FH: variants seen among roughly 807,000 people sequenced by gnomAD.
FH encodes fumarate hydratase, mitochondrial.
In FH, 22 loss-of-function variants were observed where a neutral mutation model predicts 49.4. The observed-to-expected ratio is 0.45, with a 90% confidence interval of 0.32 to 0.64. The LOEUF (loss-of-function observed/expected upper bound fraction) is 0.64. FH is among the 30% of genes least tolerant of loss of function. The pLI is 0.05. For missense variants in FH, 526 were observed against 641.5 expected (o/e 0.82, Z 1.95); for synonymous variants, 208 against 223.0 (o/e 0.93, Z 0.60).
chr1:241,508,897 C>T, intron 4 of FH, 112 bp from the exon 5 acceptor site: 1 of 840,716 alleles, frequency 1.2e-6, no homozygotes, highest in Non-Finnish European at 1.9e-6. Flanking sequence ...ACTCAAAACC[C>T]AGCTCAGTTA....
At chr1:241,516,839 G>C (rs373476738) in intron 2 of FH, among the ~76,000 whole-genome samples, 12 of 151,258 alleles carry the variant, frequency 7.9e-5, no homozygotes, top group African/African-American at 2.9e-4. Flanking sequence ...TTTTAGTAGA[G>C]ACAGAGTTTC....
intron 2 of FH, among the ~76,000 whole-genome samples, chr1:241,515,438 T>A (rs1660190028): frequency 6.6e-6 from 1 of 152,014 alleles, no homozygotes; most frequent in Admixed American, 6.6e-5. Flanking sequence ...TAATATGAGA[T>A]TATTTTAGGA....
chr1:241,502,362 C>CA, intron 8 of FH, 81 bp downstream of exon 8: 2 of 1,533,376 alleles, frequency 1.3e-6, no homozygotes, highest in Non-Finnish European at 1.8e-6. Context: ...AATGTGGAAT[C>CA]ACTAGAAGTC....
At chr1:241,519,414 G>A (rs1660308358) in intron 1 of FH, 177 bp downstream of exon 1, 2 of 717,364 alleles carry the variant, frequency 2.8e-6, no homozygotes, top group Non-Finnish European at 4.2e-6. Flanking sequence ...TCCCTGCGCC[G>A]GAAGAGGCGT....
At chr1:241,509,171 G>A (rs1420839214) in intron 4 of FH, among the ~76,000 whole-genome samples, 3 of 151,250 alleles carry the variant, frequency 2.0e-5, no homozygotes, top group Non-Finnish European at 4.4e-5. Flanking sequence ...GAAGACAGCA[G>A]TAGTATCTTC....
intron 1 of FH, chr1:241,519,331 G>A (rs1660304229): frequency 2.3e-6 from 1 of 432,076 alleles, no homozygotes; most frequent in Non-Finnish European, 4.1e-6. Context: ...AGGAGGCGCC[G>A]GGAGCGGGCC....
rs181668508 is a variant in FH at position 241,498,538 on chromosome 1, C to A, written c.1391-568G>T. On this transcript the variant is annotated intron_variant, in intron 9 of 9. Transcript: ENST00000366560. ...GCTCTCCACTGCAATGGCTTCTATA[C>A]CCTGGCCTCCTCCCAGACATTACAG... Among the ~76,000 whole-genome samples the A allele has an allele frequency of 3.6e-3, 550 of 151,250 alleles. 3 individuals carry two copies. The highest frequency in any genetic ancestry group is 0.017 in the Middle Eastern group (5 of 294).
chr1:241,509,350 A>G (rs1573883751), intron 4 of FH, among the ~76,000 whole-genome samples: 2 of 152,274 alleles, frequency 1.3e-5, no homozygotes, highest in Admixed American at 1.3e-4. Context: ...TACCACTTTA[A>G]AAATAGGAAA....
chr1:241,514,803 G>A (rs975477177), intron 2 of FH, among the ~76,000 whole-genome samples: 1 of 152,100 alleles, frequency 6.6e-6, no homozygotes, highest in African/African-American at 2.4e-5. Flanking sequence ...AACGAAATGA[G>A]GACAGATGGC....
rs1659652797 is a variant in FH at position 241,497,615 on chromosome 1, T to C, written c.*213A>G. 1 of 466,006 alleles carries C rather than the reference T, an allele frequency of 2.1e-6. No homozygotes were observed. The allele number at this position is 466,006 out of a possible 1,614,324, so 28.9% of individuals were successfully genotyped here. A position where few individuals can be genotyped will look rare whatever the true frequency, so the allele number is the denominator to read the frequency against. On this transcript the variant is annotated 3_prime_UTR_variant, in exon 10 of 10. Coordinates refer to ENST00000366560, the MANE Select transcript of FH (RefSeq NM_000143.4). Reference sequence around the variant, plus strand: ...ACATAGGAGAAAATTTAAGTCTGTTTTCCTTTTTATTTTATAAATGTATTT... The same window carrying C: ...ACATAGGAGAAAATTTAAGTCTGTTCTCCTTTTTATTTTATAAATGTATTT...
intron 3 of FH, among the ~76,000 whole-genome samples, chr1:241,513,208 CTTCT>C (rs960436391): frequency 1.3e-5 from 2 of 151,926 alleles, no homozygotes; most frequent in Admixed American, 6.6e-5. Flanking sequence ...CCTCTGATTG[CTTCT>C]TTAAGACAAT....
At chr1:241,514,452 CTGAAA>C (rs1222832334) in intron 2 of FH, among the ~76,000 whole-genome samples, 1 of 152,104 alleles carries the variant, frequency 6.6e-6, no homozygotes, top group Non-Finnish European at 1.5e-5. Flanking sequence ...AAAGGATAAA[CTGAAA>C]TGAAAACCTA....
In FH at chr1:241,513,711, G is replaced by A. The variant is rs748852152; in HGVS notation, c.270C>T (p.Thr90=). ...AGATGCCAAAAGCTTTAATAACTGG[G>A]GTCTAAAATTAATCAGAAAAATATT... The part of the protein sequence containing the change: ...KIGGVTERMP[T]PVIKAFGILK... Residue 90 remains threonine (T), a splice_region_variant and synonymous_variant, in exon 3 of 10, where the codon ACC becomes ACT. Coordinates refer to ENST00000366560, the MANE Select transcript of FH (RefSeq NM_000143.4). 52 of 1,611,762 alleles carry A rather than the reference G, an allele frequency of 3.2e-5. No homozygotes were observed. In the Admixed American group the frequency reaches 8.5e-4, roughly 26 times the overall value.
intron 1 of FH, chr1:241,519,314 G>A (rs746828617): frequency 5.1e-6 from 2 of 396,032 alleles, no homozygotes; most frequent in Non-Finnish European, 9.0e-6. Context: ...CGCCACGGAC[G>A]GCTCCGAGGA....
At chr1:241,498,093 G>T in intron 9 of FH, 123 bp from the exon 10 acceptor site, 1 of 910,164 alleles carries the variant, frequency 1.1e-6, no homozygotes, top group Non-Finnish European at 1.8e-6. Context: ...GACATTTTTT[G>T]TTTTTAAATT....
At chr1:241,508,842 A>G (rs1232968499) in intron 4 of FH, 57 bp from the exon 5 acceptor site, 4 of 1,477,092 alleles carry the variant, frequency 2.7e-6, no homozygotes, top group African/African-American at 2.8e-5. Context: ...AACAAAAACA[A>G]ACTTCTGAAT....
intron 5 of FH, 115 bp from the exon 6 acceptor site, chr1:241,506,283 G>T: frequency 1.3e-6 from 1 of 790,110 alleles, no homozygotes; most frequent in Non-Finnish European, 2.0e-6. Flanking sequence ...TAAATTACAA[G>T]CTAATCAAGT....
At chr1:241,519,123 G>C (rs1660296944) in intron 1 of FH, 1 of 164,424 alleles carries the variant, frequency 6.1e-6, no homozygotes, top group South Asian at 1.5e-4. Flanking sequence ...GAAACCACTA[G>C]ATGCACAGGC....
chr1:241,501,070 A>C (rs960592342), intron 8 of FH, among the ~76,000 whole-genome samples: 1 of 152,192 alleles, frequency 6.6e-6, no homozygotes, highest in African/African-American at 2.4e-5. Context: ...GGCAAAATCT[A>C]ATGATCACCA....
Sources: allele counts gnomAD v4.1 joint callset (sites outside exome capture counted in the v4.1 genomes callset), GRCh38; gene constraint gnomAD v4.1.1; transcripts MANE v1.5; gene names NCBI Gene and HGNC (gene_info 2026-07-23, HGNC 2026-07-21).